The following ITGA9 variants were observed in gnomAD, a reference collection of about 807,000 sequenced individuals.
ITGA9 encodes integrin subunit alpha 9.
A neutral mutation model predicts 127.8 loss-of-function variants in ITGA9; 56 were observed. That is an observed-to-expected ratio of 0.44 (90% confidence interval 0.35 to 0.55). The LOEUF is 0.55. Ranked by LOEUF, ITGA9 falls within the 20% of genes least tolerant of loss-of-function variation. The probability of loss-of-function intolerance (pLI) is 0.00; values close to 1 mark genes in which losing one functional copy is unlikely to be tolerated. For synonymous variants in ITGA9, 508 were observed against 514.5 expected (o/e 0.99, Z 0.17); for missense variants, 1,196 against 1,347.1 (o/e 0.89, Z 1.76).
intron 17 of ITGA9, among the ~76,000 whole-genome samples, chr3:37,676,483 G>A (rs1700683783): frequency 6.6e-6 from 1 of 152,194 alleles, no homozygotes; most frequent in Non-Finnish European, 1.5e-5. Context: ...TGCAGAGCAT[G>A]TCAGAGGCTT....
At chr3:37,703,415 A>G (rs114803604) in intron 18 of ITGA9, among the ~76,000 whole-genome samples, 3,061 of 152,322 alleles carry the variant, frequency 0.02, 95 homozygotes, top group African/African-American at 0.069. Context: ...AACTATTAGT[A>G]CTTAAAATAT....
At chr3:37,706,963 T>C (rs1055681422) in intron 18 of ITGA9, among the ~76,000 whole-genome samples, 2 of 152,040 alleles carry the variant, frequency 1.3e-5, no homozygotes, top group African/African-American at 4.8e-5. Flanking sequence ...TCTGGAGGGG[T>C]GGGGCTTCAA....
intron 15 of ITGA9, among the ~76,000 whole-genome samples, chr3:37,569,329 C>G (rs527262912): frequency 2.8e-4 from 42 of 152,176 alleles, no homozygotes; most frequent in Non-Finnish European, 4.4e-4. Context: ...CTGGGTCCTT[C>G]CCATGATAGT....
At chr3:37,664,993 A>G (rs1286858975) in intron 17 of ITGA9, among the ~76,000 whole-genome samples, 9 of 121,472 alleles carry the variant, frequency 7.4e-5, no homozygotes, top group African/African-American at 2.5e-4. Flanking sequence ...TTTTTTTTAG[A>G]TGGAGTTTTG....
chr3:37,458,713 G>A (rs1028413009), intron 1 of ITGA9, among the ~76,000 whole-genome samples: 13 of 152,298 alleles, frequency 8.5e-5, no homozygotes, highest in African/African-American at 3.1e-4. Context: ...GTGTGGCTGG[G>A]GATCATCTTT....
intron 15 of ITGA9, among the ~76,000 whole-genome samples, chr3:37,606,827 G>C (rs1699973234): frequency 6.6e-6 from 1 of 152,054 alleles, no homozygotes; most frequent in African/African-American, 2.4e-5. Flanking sequence ...GTGGAGAACA[G>C]CAAGTCCTCA....
At chr3:37,747,886 G>A (rs958681065) in intron 22 of ITGA9, among the ~76,000 whole-genome samples, 10 of 151,952 alleles carry the variant, frequency 6.6e-5, no homozygotes, top group East Asian at 1.9e-4. Context: ...ACACCACCAC[G>A]CCTAGCTAAT....
At position 37,814,864 on chromosome 3, in the gene ITGA9, A is replaced by G. The variant is rs559147811; in HGVS notation, c.3010-4027A>G. 3.7e-4 allele frequency among the ~76,000 whole-genome samples: 56 copies of G among 152,318 alleles called. No homozygotes were observed. The highest frequency in any genetic ancestry group is 6.9e-4 in the Non-Finnish European group (47 of 68,036). Reference sequence around the variant, plus strand: ...CTGTACCTACAACTCCCTAGCCATGAGAGTGCATTATGTTTTAAGAAATGG... The same window carrying G: ...CTGTACCTACAACTCCCTAGCCATGGGAGTGCATTATGTTTTAAGAAATGG... On this transcript the variant is annotated intron_variant, in intron 27 of 27. Transcript: ENST00000264741. This position sits in a 1 kb window ranked among gnomAD's most constrained non-coding sequence, Gnocchi z 4.3.
intron 18 of ITGA9, among the ~76,000 whole-genome samples, chr3:37,691,977 AG>A (rs1575194770): frequency 6.6e-6 from 1 of 152,244 alleles, no homozygotes; most frequent in East Asian, 1.9e-4. Flanking sequence ...ACAGGCAACC[AG>A]TGTGAAATAG....
intron 3 of ITGA9, among the ~76,000 whole-genome samples, chr3:37,480,119 C>A (rs969167049): frequency 6.6e-6 from 1 of 151,926 alleles, no homozygotes; most frequent in African/African-American, 2.4e-5. Flanking sequence ...AGAGTGTGTG[C>A]CTCTGAGTAA....
At chr3:37,570,663 G>T (rs1341213404) in intron 15 of ITGA9, among the ~76,000 whole-genome samples, 2 of 152,226 alleles carry the variant, frequency 1.3e-5, no homozygotes, top group African/African-American at 4.8e-5. Context: ...TTTGACATGT[G>T]AGAGTTTCCA....
At chr3:37,777,830 A>G (rs1472138697) in intron 24 of ITGA9, among the ~76,000 whole-genome samples, 1 of 152,244 alleles carries the variant, frequency 6.6e-6, no homozygotes, top group Non-Finnish European at 1.5e-5. Flanking sequence ...AAACTGTTTG[A>G]TAATATCTAC....
At position 37,542,540 on chromosome 3, in the gene ITGA9, G is replaced by A; in HGVS notation, c.1644G>A (p.Leu548=). 4 of 1,614,178 alleles carry A rather than the reference G, an allele frequency of 2.5e-6. No homozygotes were observed. The highest frequency in any genetic ancestry group is 3.4e-6 in the Non-Finnish European group (4 of 1,180,030). ...GTCAGGTCACAGAGAAGCTGCAGCT[G>A]ACTTACATGGAGGAGACGTGTCGTC... The part of the protein sequence containing the change: ...TMGQVTEKLQ[L]TYMEETCRHY... The change falls in exon 15 of 28, where the codon CTG becomes CTA. Residue 548 remains leucine, a synonymous_variant. Coordinates refer to ENST00000264741, the MANE Select transcript of ITGA9 (RefSeq NM_002207.3).
rs1042645142 is a variant in ITGA9 at position 37,470,734 on chromosome 3, G to A, written c.186-273G>A. 9.2e-5 allele frequency among the ~76,000 whole-genome samples: 14 copies of A among 152,186 alleles called. No individual in the cohort carries two copies. In the East Asian group the frequency reaches 1.9e-3, roughly 21 times the overall value. ...ACCCAGGCTGGCCTGGAATTCCTGG[G>A]CTCAAGCGATCCACCCGCCTCGGCC... On this transcript the variant is annotated intron_variant, in intron 1 of 27. Transcript: ENST00000264741.
chr3:37,731,809 T>C (rs1696295895), intron 18 of ITGA9, among the ~76,000 whole-genome samples: 2 of 152,206 alleles, frequency 1.3e-5, no homozygotes. Flanking sequence ...ATATGTATAA[T>C]TGGATAATTT....
chr3:37,817,707 G>A (rs910525173), intron 27 of ITGA9, among the ~76,000 whole-genome samples: 2 of 152,220 alleles, frequency 1.3e-5, no homozygotes, highest in African/African-American at 4.8e-5. Flanking sequence ...GTCTCTCAGA[G>A]CATGGGAGGA....
At chr3:37,730,720 A>G (rs1696280582) in intron 18 of ITGA9, among the ~76,000 whole-genome samples, 2 of 152,192 alleles carry the variant, frequency 1.3e-5, no homozygotes, top group Admixed American at 6.5e-5. Flanking sequence ...ATCCTGTGCC[A>G]TTTGCATGTT....
rs945876008 is a variant in ITGA9 at position 37,799,413 on chromosome 3, A to T, written c.2890-4410A>T. Among the ~76,000 whole-genome samples the T allele has an allele frequency of 6.6e-6, 1 of 152,356 alleles. No homozygotes were observed. The highest frequency in any genetic ancestry group is 1.9e-4 in the East Asian group (1 of 5,178). On this transcript the variant is annotated intron_variant, in intron 26 of 27. Coordinates refer to ENST00000264741, the MANE Select transcript of ITGA9 (RefSeq NM_002207.3). The surrounding 1 kb of genome is among the most constrained non-coding windows in gnomAD (Gnocchi z 4.0). The stretch of plus-strand genomic sequence containing the variant: ...AGACTGGTCAAGTATGAACATTTTC[A>T]GATGAGCAATAATGAGCTTGTCAAA...
At chr3:37,542,666 A>G (rs962093763) in intron 15 of ITGA9, 81 bp downstream of exon 15, 12 of 1,434,760 alleles carry the variant, frequency 8.4e-6, no homozygotes, top group Non-Finnish European at 1.1e-5. Flanking sequence ...TATTTTTATT[A>G]TGTATTATGT....
Sources: allele counts gnomAD v4.1 joint callset (sites outside exome capture counted in the v4.1 genomes callset), GRCh38; gene constraint gnomAD v4.1.1; non-coding constraint Gnocchi (gnomAD v3.1); transcripts MANE v1.5; gene names NCBI Gene and HGNC (gene_info 2026-07-23, HGNC 2026-07-21).